Variants in PATJ observed in about 807,000 individuals in gnomAD.
PATJ encodes the protein PATJ crumbs cell polarity complex component, also known as inaD-like protein.
PATJ carries 190 observed loss-of-function variants against 224.9 expected under a neutral mutation model. That is an observed-to-expected ratio of 0.84 (90% CI 0.75 to 0.95). PATJ has a LOEUF of 0.95. PATJ is among the 40% of genes least tolerant of loss of function. The pLI, the probability that PATJ is intolerant of heterozygous loss-of-function variation, is 0.00. For synonymous variants in PATJ, 769 were observed against 820.3 expected (o/e 0.94, Z 1.07); for missense variants, 2,121 against 2,270.3 (o/e 0.93, Z 1.34).
chr1:61,889,932 T>C (rs1423044260), intron 22 of PATJ, among the ~76,000 whole-genome samples: 1 of 152,162 alleles, frequency 6.6e-6, no homozygotes, highest in Non-Finnish European at 1.5e-5. Flanking sequence ...TCACTTGAGA[T>C]CGTGTTTTCA....
At chr1:61,761,739 G>A (rs1474285834) in intron 1 of PATJ, among the ~76,000 whole-genome samples, 1 of 151,394 alleles carries the variant, frequency 6.6e-6, no homozygotes, top group African/African-American at 2.4e-5. Flanking sequence ...AGGCTGGAGT[G>A]CAGTGGCATG....
chr1:62,142,487 T>C (rs1378568831), intron 41 of PATJ, among the ~76,000 whole-genome samples: 1 of 152,230 alleles, frequency 6.6e-6, no homozygotes, highest in Non-Finnish European at 1.5e-5. Flanking sequence ...CTATTCCTTA[T>C]GACAGTTTTA....
chr1:62,005,542 T>G (rs985217722), intron 28 of PATJ, among the ~76,000 whole-genome samples: 2 of 152,106 alleles, frequency 1.3e-5, no homozygotes, highest in South Asian at 2.1e-4. Context: ...GATTAGAGGA[T>G]TGCCTGATCC....
chr1:61,891,373 T>C (rs200614387), intron 22 of PATJ, among the ~76,000 whole-genome samples: 2 of 152,178 alleles, frequency 1.3e-5, no homozygotes, highest in East Asian at 3.9e-4. Flanking sequence ...TGAATTAAAC[T>C]GCCAAAACTT....
chr1:62,152,890 G>A (rs899636086), intron 42 of PATJ, among the ~76,000 whole-genome samples: 2 of 152,080 alleles, frequency 1.3e-5, no homozygotes, highest in African/African-American at 4.8e-5. Context: ...TGTAATCCCA[G>A]CACTTTGGGA....
intron 7 of PATJ, among the ~76,000 whole-genome samples, chr1:61,777,699 C>CTTTTTTTTTTTTTTTTTTTTTTTT (rs1557626569): frequency 1.4e-4 from 11 of 80,082 alleles, no homozygotes; most frequent in African/African-American, 4.0e-4. Flanking sequence ...TTCTTTCTTT[C>CTTTTTTTTTTTTTTTTTTTTTTTT]TTTCTTTTTT....
At chr1:61,841,310 A>G (rs1661046567) in intron 17 of PATJ, among the ~76,000 whole-genome samples, 1 of 152,192 alleles carries the variant, frequency 6.6e-6, no homozygotes, top group South Asian at 2.1e-4. Context: ...AAATGCTAAT[A>G]TCAGTATATA....
At chr1:62,061,308 A>G (rs940460734) in intron 31 of PATJ, among the ~76,000 whole-genome samples, 1 of 151,784 alleles carries the variant, frequency 6.6e-6, no homozygotes, top group Non-Finnish European at 1.5e-5. Flanking sequence ...CAGCCTCCCG[A>G]GTAGCTGGGA....
At chr1:62,046,652 A>G (rs1052821996) in intron 30 of PATJ, among the ~76,000 whole-genome samples, 1 of 152,208 alleles carries the variant, frequency 6.6e-6, no homozygotes, top group Admixed American at 6.5e-5. Context: ...CTGTACATGC[A>G]TAATTAGGAT....
Position 61,850,493 on chromosome 1 carries a change from C to G in PATJ, c.2113-5537C>G, listed in dbSNP as rs569089513. Among the ~76,000 whole-genome samples, 4 of 152,334 alleles carry G rather than the reference C, an allele frequency of 2.6e-5. No individual in the cohort carries two copies. In the South Asian group the frequency reaches 8.3e-4, roughly 32 times the overall value. ...ATGCTGCACATTCTGTACCCTCTAA[C>G]TTTTCATCTGCTAGGTACTGAAACA... On this transcript the variant is annotated intron_variant, in intron 17 of 43. Coordinates refer to ENST00000642238, the MANE Select transcript of PATJ (RefSeq NM_001350145.3).
chr1:61,822,620 G>A (rs928800057), intron 14 of PATJ, among the ~76,000 whole-genome samples: 1 of 152,024 alleles, frequency 6.6e-6, no homozygotes, highest in African/African-American at 2.4e-5. Context: ...TAGGGGATGG[G>A]GAGTCCCATA....
At chr1:61,837,236 C>T (rs1384196644) in intron 17 of PATJ, among the ~76,000 whole-genome samples, 10 of 152,264 alleles carry the variant, frequency 6.6e-5, no homozygotes, top group Middle Eastern at 3.4e-3. Context: ...AACAATTATT[C>T]AGTTTAGAAA....
intron 14 of PATJ, among the ~76,000 whole-genome samples, chr1:61,819,244 C>G (rs1472683113): frequency 6.6e-6 from 1 of 152,110 alleles, no homozygotes; most frequent in African/African-American, 2.4e-5. Context: ...TCCTTCCTTG[C>G]AGCACTTAAC....
chr1:61,922,983 G>T (rs747850301), intron 26 of PATJ, among the ~76,000 whole-genome samples: 4 of 152,182 alleles, frequency 2.6e-5, no homozygotes, highest in Non-Finnish European at 5.9e-5. Context: ...TTCCACATAA[G>T]ATCCCAGGAA....
At position 61,927,333 on chromosome 1, in the gene PATJ, C is replaced by T. The variant is rs1675355743; in HGVS notation, c.3571-397C>T. Among the ~76,000 whole-genome samples, 5 of 152,086 alleles carry T rather than the reference C, an allele frequency of 3.3e-5. No homozygotes were observed. In the South Asian group the frequency reaches 1.0e-3, roughly 31 times the overall value. Reference sequence around the variant, plus strand: ...AGTTTAAATCATTGTAGAATTAATACAATGGATAGTTTTTACTTTTACATT... The same window carrying T: ...AGTTTAAATCATTGTAGAATTAATATAATGGATAGTTTTTACTTTTACATT... On this transcript the variant is annotated intron_variant, in intron 26 of 43. Coordinates refer to ENST00000642238, the MANE Select transcript of PATJ (RefSeq NM_001350145.3).
chr1:61,881,125 G>A (rs2149057731), intron 21 of PATJ, among the ~76,000 whole-genome samples: 1 of 152,204 alleles, frequency 6.6e-6, no homozygotes, highest in South Asian at 2.1e-4. Flanking sequence ...CTATCTACAA[G>A]GTACTGTGCA....
At chr1:61,925,701 A>G (rs998455649) in intron 26 of PATJ, among the ~76,000 whole-genome samples, 2 of 152,234 alleles carry the variant, frequency 1.3e-5, no homozygotes, top group Non-Finnish European at 2.9e-5. Flanking sequence ...AATTTAAGAA[A>G]AAAATAAAAA....
At chr1:62,058,328 T>C (rs1441587850) in intron 31 of PATJ, among the ~76,000 whole-genome samples, 1 of 152,194 alleles carries the variant, frequency 6.6e-6, no homozygotes, top group East Asian at 1.9e-4. Context: ...ATACCAACAT[T>C]TTAGAAGCAT....
intron 29 of PATJ, among the ~76,000 whole-genome samples, chr1:62,033,452 T>G (rs1468223314): frequency 6.6e-6 from 1 of 152,200 alleles, no homozygotes; most frequent in East Asian, 1.9e-4. Flanking sequence ...AACCCCTGTT[T>G]ATCCTTGAGC....
Sources: gnomAD v4.1 joint callset for allele counts (sites outside exome capture counted in the v4.1 genomes callset) on GRCh38, gnomAD v4.1.1 for gene constraint, MANE v1.5 for transcripts, NCBI Gene and HGNC (gene_info 2026-07-23, HGNC 2026-07-21) for gene names.